The following PROSER2 variants were observed in gnomAD, a reference collection of about 807,000 sequenced individuals.
PROSER2 encodes the protein proline and serine rich 2.
A neutral mutation model predicts 14.6 loss-of-function variants in PROSER2; 18 were observed. That is an observed-to-expected ratio of 1.23 (90% CI 0.85 to 1.83). The LOEUF is 1.83. Ranked by LOEUF, PROSER2 falls within the 40% of genes most tolerant of loss-of-function variation. PROSER2 has a pLI of 0.00. For missense variants in PROSER2, 823 were observed against 629.8 expected, an observed-to-expected ratio of 1.31 and a Z score of -3.28; for synonymous variants, 367 against 286.4, an observed-to-expected ratio of 1.28 and a Z score of -2.84.
intron 1 of PROSER2, among the ~76,000 whole-genome samples, chr10:11,839,315 A>G (rs1473691970): frequency 6.6e-6 from 1 of 152,250 alleles, no homozygotes; most frequent in Non-Finnish European, 1.5e-5. Context: ...TTCTTAGAGT[A>G]AGAAAGGCCT....
At chr10:11,858,748 C>T (rs12269248) in intron 2 of PROSER2, among the ~76,000 whole-genome samples, 32,932 of 151,990 alleles carry the variant, frequency 0.22, 3,727 homozygotes, top group Middle Eastern at 0.3. Context: ...CAGTAGCTCA[C>T]GCCTATAATC....
At chr10:11,863,124 T>G (rs1045129793) in intron 2 of PROSER2, 2 of 152,238 alleles carry the variant, frequency 1.3e-5, no homozygotes, top group Non-Finnish European at 2.9e-5. Flanking sequence ...TCCTGAGACA[T>G]CCTTCTTTCA....
At chr10:11,860,223 C>G (rs1360411777) in intron 2 of PROSER2, among the ~76,000 whole-genome samples, 1 of 152,232 alleles carries the variant, frequency 6.6e-6, no homozygotes, top group Non-Finnish European at 1.5e-5. Context: ...GCCCAGCACT[C>G]ACTCCAGCCC....
At position 11,823,792 on chromosome 10, in the gene PROSER2, G is replaced by A. The variant is rs1833573920; in HGVS notation, c.-82+322G>A. On this transcript the variant is annotated intron_variant, in intron 1 of 3. Coordinates refer to ENST00000277570, the MANE Select transcript of PROSER2 (RefSeq NM_153256.4). This position sits in a 1 kb window ranked among gnomAD's most constrained non-coding sequence, Gnocchi z 6.2. ...GTGGAGGCGGGTTTCCCAGCCTTGG[G>A]CGCAGAGGGTCCCCGCTGTCCCCAC... 6.6e-6 allele frequency among the ~76,000 whole-genome samples: 1 copy of A among 152,134 alleles called. No homozygotes were observed. Among genetic ancestry groups the A allele is most frequent in the African/African-American group, 2.4e-5 (1 of 41,448 alleles).
In PROSER2 at chr10:11,869,468, A is replaced by G. The variant is rs1460139693; in HGVS notation, c.392-22A>G. 28 of 1,588,650 alleles carry G rather than the reference A, an allele frequency of 1.8e-5. No homozygotes were observed. Among genetic ancestry groups the G allele is most frequent in the Non-Finnish European group, 2.4e-5 (28 of 1,157,424 alleles). ...ACTTTCACGTGGGCCGGTGGCTCACAGGCTCCTCCCTTGTCTTCCAGGGCC... is the reference window on the plus strand; with the variant it reads ...ACTTTCACGTGGGCCGGTGGCTCACGGGCTCCTCCCTTGTCTTCCAGGGCC... On this transcript the variant is annotated intron_variant, in intron 3 of 3. Coordinates refer to ENST00000277570, the MANE Select transcript of PROSER2 (RefSeq NM_153256.4). This position sits in a 1 kb window ranked among gnomAD's most constrained non-coding sequence, Gnocchi z 4.4.
At chr10:11,827,315 T>A (rs988877628) in intron 1 of PROSER2, among the ~76,000 whole-genome samples, 1 of 152,096 alleles carries the variant, frequency 6.6e-6, no homozygotes, top group African/African-American at 2.4e-5. Context: ...GTTGGCCACA[T>A]CTTCTTTAGA....
In PROSER2 at chr10:11,866,744, G is replaced by A. The variant is rs142957936; in HGVS notation, c.352G>A (p.Gly118Arg). ...IDLVQPAPGA[G>R]EAEGLPEGTQ... ...CTTAGTGCAGCCAGCACCTGGCGCC[G>A]GGGAAGCCGAGGGCCTTCCAGAGGG... The change falls in exon 3 of 4, where the codon GGG becomes AGG. Residue 118 changes from glycine to arginine, a missense_variant. Coordinates refer to ENST00000277570, the MANE Select transcript of PROSER2 (RefSeq NM_153256.4). This position sits in a 1 kb window ranked among gnomAD's most constrained non-coding sequence, Gnocchi z 6.0. 393 of 1,613,050 alleles carry A rather than the reference G, an allele frequency of 2.4e-4. 1 individual carries two copies. The highest frequency in any genetic ancestry group is 3.0e-4 in the Non-Finnish European group (359 of 1,179,960).
chr10:11,848,318 G>T (rs772539162), intron 1 of PROSER2, among the ~76,000 whole-genome samples: 18 of 152,138 alleles, frequency 1.2e-4, no homozygotes, highest in Non-Finnish European at 1.9e-4. Context: ...ACAGGCACCT[G>T]CCACCATGCC....
intron 2 of PROSER2, among the ~76,000 whole-genome samples, chr10:11,854,856 G>A (rs1775160266): frequency 6.6e-6 from 1 of 152,094 alleles, no homozygotes; most frequent in Admixed American, 6.5e-5. Context: ...TTTTTTGGAA[G>A]TGTAAATTCT....
intron 1 of PROSER2, among the ~76,000 whole-genome samples, chr10:11,846,147 C>T (rs966767394): frequency 1.3e-5 from 2 of 152,004 alleles, no homozygotes; most frequent in Admixed American, 6.6e-5. Flanking sequence ...CCACCACGCC[C>T]GGCTCATTTT....
At chr10:11,855,733 G>A (rs1051485797) in intron 2 of PROSER2, among the ~76,000 whole-genome samples, 1 of 152,150 alleles carries the variant, frequency 6.6e-6, no homozygotes, top group Non-Finnish European at 1.5e-5. Context: ...AGGCCAGCCT[G>A]GGCAACATAG....
intron 1 of PROSER2, among the ~76,000 whole-genome samples, chr10:11,835,532 G>A (rs1215926089): frequency 1.3e-5 from 2 of 152,206 alleles, no homozygotes; most frequent in Non-Finnish European, 2.9e-5. Flanking sequence ...AACAAAGAAT[G>A]TATGGACTCA....
At chr10:11,831,266 A>G (rs903047776) in intron 1 of PROSER2, among the ~76,000 whole-genome samples, 9 of 152,222 alleles carry the variant, frequency 5.9e-5, no homozygotes, top group African/African-American at 2.2e-4. Context: ...ACCCTAAACA[A>G]TAAGGTGTAA....
rs557054529 is a variant in PROSER2, at chr10:11,865,440, T to C, written c.139-1091T>C. Among the ~76,000 whole-genome samples the C allele has an allele frequency of 2.0e-5, 3 of 152,314 alleles. No homozygotes were observed. In the South Asian group the frequency reaches 6.2e-4, roughly 32 times the overall value. On this transcript the variant is annotated intron_variant, in intron 2 of 3. Transcript: ENST00000277570. This position sits in a 1 kb window ranked among gnomAD's most constrained non-coding sequence, Gnocchi z 4.2. ...TTCCTGTAAGTTGCTTTTCTATCCT[T>C]TGATTTTGATAGCTGTTTCACATTA...
At chr10:11,831,759 G>A (rs1476472391) in intron 1 of PROSER2, 1 of 152,046 alleles carries the variant, frequency 6.6e-6, no homozygotes, top group African/African-American at 2.4e-5. Context: ...ATCTTTTTCA[G>A]TGATGGCGAA....
chr10:11,844,381 C>T (rs925484631), intron 1 of PROSER2, among the ~76,000 whole-genome samples: 2 of 152,170 alleles, frequency 1.3e-5, no homozygotes, highest in Non-Finnish European at 2.9e-5. Flanking sequence ...TTTCTAAAAA[C>T]TCTACATTTA....
rs550559170 is a variant in PROSER2 at position 11,860,659 on chromosome 10, TAAG to T, written c.139-5867_139-5865del. The stretch of plus-strand genomic sequence containing the variant: ...TTTTTGTCTCATTTTATACAAATAA[TAAG>T]AAGAGGAAGAAAGAACCCTGAGGTG... On this transcript the variant is annotated intron_variant, in intron 2 of 3. Transcript: ENST00000277570. Among the ~76,000 whole-genome samples, 204 of 151,638 alleles carry T rather than the reference TAAG, an allele frequency of 1.3e-3. 1 individual carries two copies. Among genetic ancestry groups the T allele is most frequent in the African/African-American group, 4.6e-3 (191 of 41,324 alleles).
At chr10:11,848,447 G>A (rs1027540527) in intron 1 of PROSER2, among the ~76,000 whole-genome samples, 2 of 152,190 alleles carry the variant, frequency 1.3e-5, no homozygotes, top group Non-Finnish European at 2.9e-5. Flanking sequence ...GGGGTTACAG[G>A]CGTGAGCCAC....
Position 11,836,960 on chromosome 10 carries a change from G to A in PROSER2, c.-82+13490G>A, listed in dbSNP as rs1365889300. 2.0e-5 allele frequency among the ~76,000 whole-genome samples: 3 copies of A among 152,278 alleles called. No homozygotes were observed. Among genetic ancestry groups the A allele is most frequent in the East Asian group, 1.9e-4 (1 of 5,190 alleles). On this transcript the variant is annotated intron_variant, in intron 1 of 3. Transcript: ENST00000277570. The surrounding 1 kb of genome is among the most constrained non-coding windows in gnomAD (Gnocchi z 4.6). ...CATTCTGAGTAGTGGGATGAAATGC[G>A]TCGTTCTGATCCATTGCCTCCTGCA...
Sources: gnomAD v4.1 joint callset for allele counts (sites outside exome capture counted in the v4.1 genomes callset) on GRCh38, gnomAD v4.1.1 for gene constraint, Gnocchi (gnomAD v3.1) non-coding constraint, MANE v1.5 for transcripts, NCBI Gene and HGNC (gene_info 2026-07-23, HGNC 2026-07-21) for gene names.